The following AP3B2 variants were observed in gnomAD, a reference collection of about 807,000 sequenced individuals.
The protein encoded by AP3B2 is AP-3 complex subunit beta-2.
A neutral mutation model predicts 126.9 loss-of-function variants in AP3B2; 50 were observed. The ratio of observed to expected loss-of-function variants is 0.39; its 90% CI spans 0.31 to 0.50. The LOEUF (loss-of-function observed/expected upper bound fraction) is 0.50. Among genes scored for constraint, AP3B2 ranks in the 20% least tolerant of loss-of-function variants. The pLI is 0.79. For missense variants in AP3B2, 1,177 were observed against 1,426.4 expected, an observed-to-expected ratio of 0.83 and a Z score of 2.82; for synonymous variants, 541 against 565.0, an observed-to-expected ratio of 0.96 and a Z score of 0.60.
At chr15:82,663,101 C>T (rs2047983047) in intron 22 of AP3B2, 26 bp downstream of exon 22, 2 of 1,582,492 alleles carry the variant, frequency 1.3e-6, no homozygotes, top group African/African-American at 2.7e-5. Context: ...CTGCCCCAGC[C>T]CGGTCCCCTC....
rs2151426856 is a variant in AP3B2 at position 82,661,810 on chromosome 15, C to T, written c.3016+15G>A. 1 of 1,603,310 alleles carries T rather than the reference C, an allele frequency of 6.2e-7. No individual in the cohort carries two copies. On this transcript the variant is annotated intron_variant, in intron 25 of 26. Transcript: ENST00000535359. ...TCTATACTTCCCTCTCTGCCCACTC[C>T]CAGGGAGCACTCACCCTGTTCCTTC...
chr15:82,695,104 T>C (rs1313200737), intron 1 of AP3B2, among the ~76,000 whole-genome samples: 1 of 150,238 alleles, frequency 6.7e-6, no homozygotes, highest in Admixed American at 6.6e-5. Flanking sequence ...TCTTTTTTTT[T>C]TTTTTTTTTT....
At chr15:82,663,531 C>A in intron 21 of AP3B2, 29 bp downstream of exon 21, 15 of 1,610,642 alleles carry the variant, frequency 9.3e-6, no homozygotes, top group Non-Finnish European at 1.3e-5. Context: ...GGCCTCCTTT[C>A]CCCTGTGACT....
chr15:82,661,932 G>T lies in AP3B2; in HGVS notation c.2919-10C>A. 1 of 1,610,896 alleles carries T rather than the reference G, an allele frequency of 6.2e-7. No homozygotes were observed. The highest frequency in any genetic ancestry group is 8.5e-7 in the Non-Finnish European group (1 of 1,177,440). On this transcript the variant is annotated splice_polypyrimidine_tract_variant and intron_variant, in intron 24 of 26. Transcript: ENST00000535359. Reference sequence around the variant, plus strand: ...CTGTCGGGTCTGGGTGCTGGGAGGGGTGGGAGGAAACGGAGAAGAATTAAG... The same window carrying T: ...CTGTCGGGTCTGGGTGCTGGGAGGGTTGGGAGGAAACGGAGAAGAATTAAG...
Position 82,688,772 on chromosome 15 carries a change from G to T in AP3B2, c.324C>A (p.Ala108=), listed in dbSNP as rs778144446. 6.2e-7 allele frequency: 1 copy of T among 1,613,024 alleles called. No homozygotes were observed. The highest frequency in any genetic ancestry group is 8.5e-7 in the Non-Finnish European group (1 of 1,179,580). ...GTTGGAAGGTGGAGATGGACAGCAG[G>T]GCCAGGTCTTGCTGCTCCTCAGCGT... is the stretch of plus-strand genomic sequence containing the variant. ...VRYAEEQQDL[A]LLSISTFQRG... Residue 108 remains alanine, a synonymous_variant, in exon 4 of 27, where the codon GCC becomes GCA. Coordinates refer to ENST00000535359, the MANE Select transcript of AP3B2 (RefSeq NM_001278512.2).
At position 82,680,798 on chromosome 15, in the gene AP3B2, C is replaced by T. The variant is rs761041873; in HGVS notation, c.771+39G>A. 1 of 1,609,328 alleles carries T rather than the reference C, an allele frequency of 6.2e-7. No individual in the cohort carries two copies. Among genetic ancestry groups the T allele is most frequent in the South Asian group, 1.1e-5 (1 of 90,596 alleles). On this transcript the variant is annotated intron_variant, in intron 7 of 26. Coordinates refer to ENST00000535359, the MANE Select transcript of AP3B2 (RefSeq NM_001278512.2). The surrounding 1 kb of genome is among the most constrained non-coding windows in gnomAD (Gnocchi z 6.1). ...CGGGTCTGTGGGCGCCTCCCCGGGA[C>T]ACACTTCGGCCCGCTCTGCCTGGGC...
chr15:82,707,838 C>T (rs543670716), intron 1 of AP3B2, among the ~76,000 whole-genome samples: 1 of 152,288 alleles, frequency 6.6e-6, no homozygotes, highest in East Asian at 1.9e-4. Context: ...TCCCTTACCA[C>T]AGAATCTGCC....
chr15:82,695,851 C>T (rs1014015146), intron 1 of AP3B2, among the ~76,000 whole-genome samples: 2 of 152,096 alleles, frequency 1.3e-5, no homozygotes, highest in African/African-American at 2.4e-5. Context: ...GAGCCCTTAA[C>T]CTAAAAAATC....
At chr15:82,696,068 C>T (rs1297236684) in intron 1 of AP3B2, among the ~76,000 whole-genome samples, 2 of 152,132 alleles carry the variant, frequency 1.3e-5, no homozygotes, top group East Asian at 3.9e-4. Flanking sequence ...CTTCCTTCTG[C>T]GTGCCTATAT....
In AP3B2 at chr15:82,665,526, C is replaced by T. The variant is rs2048042840; in HGVS notation, c.1902G>A (p.Lys634=). 1 of 1,613,828 alleles carries T rather than the reference C, an allele frequency of 6.2e-7. No homozygotes were observed. Among genetic ancestry groups the T allele is most frequent in the Admixed American group, 1.7e-5 (1 of 59,990 alleles). The change falls in exon 16 of 27, where the codon AAG becomes AAA. Residue 634 remains lysine (K), a synonymous_variant. Transcript: ENST00000535359. The surrounding 1 kb of genome is among the most constrained non-coding windows in gnomAD (Gnocchi z 4.4). ...LGSLSHLLNA[K]ATGYQELPDW... is the part of the protein sequence containing the mutation. ...CTGGGAGCTCCTGGTAGCCTGTGGC[C>T]TTGGCATTAAGCAGGTGGGACAGTG...
chr15:82,700,737 C>T (rs1041710330), intron 1 of AP3B2, among the ~76,000 whole-genome samples: 1 of 151,708 alleles, frequency 6.6e-6, no homozygotes, highest in East Asian at 2.0e-4. Flanking sequence ...CCCCTTTGAC[C>T]CTCAAGTCCC....
chr15:82,692,336 C>A (rs890575580), intron 1 of AP3B2: 7 of 558,156 alleles, frequency 1.3e-5, no homozygotes, highest in Non-Finnish European at 2.2e-5. Context: ...CACGCAGATG[C>A]GCTCATCCGC....
At chr15:82,705,554 C>T (rs913584248) in intron 1 of AP3B2, among the ~76,000 whole-genome samples, 2 of 152,156 alleles carry the variant, frequency 1.3e-5, no homozygotes, top group East Asian at 1.9e-4. Context: ...AGCCTCTCTT[C>T]GCTTTCACTT....
Position 82,659,873 on chromosome 15 carries a change from C to T in AP3B2, c.3127G>A (p.Val1043Ile). ...KVTATANLGR[V>I]PCGTSDEYRF... is the part of the protein sequence containing the mutation. ...TACTCATCAGATGTCCCACAAGGAA[C>T]ACGACCCAGGTTGGCAGTGGCAGTC... The change falls in exon 26 of 27, where the codon GTT becomes ATT. Residue 1043 changes from valine (V) to isoleucine (I), a missense_variant. This residue lies in a region of AP3B2 where 587 missense variants were observed against 571.3 expected (regional missense o/e 1.03). Transcript: ENST00000535359. The T allele has an allele frequency of 6.2e-7, 1 of 1,614,044 alleles. No homozygotes were observed. The highest frequency in any genetic ancestry group is 8.5e-7 in the Non-Finnish European group (1 of 1,179,892).
intron 14 of AP3B2, among the ~76,000 whole-genome samples, chr15:82,672,793 G>C (rs1363129697): frequency 2.0e-5 from 3 of 152,298 alleles, no homozygotes; most frequent in Admixed American, 6.5e-5. Flanking sequence ...TAGCAGACTG[G>C]CTCTAGAGAC....
intron 1 of AP3B2, among the ~76,000 whole-genome samples, chr15:82,708,036 C>G (rs1290914632): frequency 1.3e-5 from 2 of 152,222 alleles, no homozygotes; most frequent in Non-Finnish European, 2.9e-5. Flanking sequence ...TGTCAGGCCT[C>G]TGAGCCCAAG....
chr15:82,661,053 C>G (rs965415974), intron 25 of AP3B2, among the ~76,000 whole-genome samples: 2 of 152,088 alleles, frequency 1.3e-5, no homozygotes, highest in Admixed American at 6.6e-5. Context: ...GCCTTGTTGT[C>G]TCTCCTGGTT....
chr15:82,706,140 A>C (rs1368366402), intron 1 of AP3B2, among the ~76,000 whole-genome samples: 2 of 152,124 alleles, frequency 1.3e-5, no homozygotes, highest in Non-Finnish European at 2.9e-5. Flanking sequence ...TAATACTTTC[A>C]GAGGCCCTCA....
chr15:82,691,283 CT>C (rs745546570), intron 1 of AP3B2, among the ~76,000 whole-genome samples: 3 of 152,162 alleles, frequency 2.0e-5, no homozygotes, highest in Non-Finnish European at 4.4e-5. Context: ...TGTTTCCTGA[CT>C]TTTAATGATT....
Sources: gnomAD v4.1 joint callset for allele counts (sites outside exome capture counted in the v4.1 genomes callset) on GRCh38, gnomAD v4.1.1 for gene constraint, gnomAD v4.1.1 regional missense constraint, Gnocchi (gnomAD v3.1) non-coding constraint, MANE v1.5 for transcripts, NCBI Gene and HGNC (gene_info 2026-07-23, HGNC 2026-07-21) for gene names.